TLK1: variants seen among roughly 807,000 people sequenced by gnomAD.
TLK1 encodes the protein serine/threonine-protein kinase tousled-like 1.
TLK1 carries 24 observed loss-of-function variants against 105.3 expected under a neutral mutation model. That is an observed-to-expected ratio of 0.23 (90% CI 0.17 to 0.32). The LOEUF (loss-of-function observed/expected upper bound fraction) is 0.32, where lower values mean the gene tolerates loss of function less well. Among genes scored for constraint, TLK1 ranks in the 10% least tolerant of loss-of-function variants. The pLI, the probability that TLK1 is intolerant of heterozygous loss-of-function variation, is 1.00. For missense variants in TLK1, 558 were observed against 910.5 expected, an observed-to-expected ratio of 0.61 and a Z score of 4.98; for synonymous variants, 321 against 310.4, an observed-to-expected ratio of 1.03 and a Z score of -0.36.
At chr2:171,062,586 C>T (rs1385382529) in intron 3 of TLK1, among the ~76,000 whole-genome samples, 2 of 152,136 alleles carry the variant, frequency 1.3e-5, no homozygotes, top group Non-Finnish European at 2.9e-5. Context: ...CCTCTTACCC[C>T]ACCCCTAGCA....
At chr2:171,075,216 G>T (rs1688446187) in intron 3 of TLK1, among the ~76,000 whole-genome samples, 1 of 152,128 alleles carries the variant, frequency 6.6e-6, no homozygotes, top group South Asian at 2.1e-4. Flanking sequence ...GAAGGTATGA[G>T]AAAGTAGAGG....
intron 2 of TLK1, among the ~76,000 whole-genome samples, chr2:171,088,723 G>T (rs1689090160): frequency 6.6e-6 from 1 of 152,174 alleles, no homozygotes; most frequent in African/African-American, 2.4e-5. Flanking sequence ...CTGAGAAAAT[G>T]ATTTCCAACC....
chr2:171,224,908 T>G (rs1693871707), intron 1 of TLK1, among the ~76,000 whole-genome samples: 1 of 152,210 alleles, frequency 6.6e-6, no homozygotes, highest in East Asian at 1.9e-4. Flanking sequence ...TCCTCACATT[T>G]ACAGTTAATT....
chr2:171,205,137 C>G (rs913674408), intron 1 of TLK1, among the ~76,000 whole-genome samples: 1 of 151,782 alleles, frequency 6.6e-6, no homozygotes, highest in Admixed American at 6.6e-5. Context: ...TGCTTGAGCC[C>G]GGGAGTTAGA....
At chr2:171,063,824 C>T (rs1277745503) in intron 3 of TLK1, among the ~76,000 whole-genome samples, 2 of 152,188 alleles carry the variant, frequency 1.3e-5, no homozygotes, top group Non-Finnish European at 2.9e-5. Flanking sequence ...CTAACATGCA[C>T]TGGCTATCTC....
Position 171,160,200 on chromosome 2 carries a change from C to G in TLK1, c.139+90G>C. ...CCCACCCCAGGGTCTGGCGGAGAAG[C>G]CCCGGGGCGGGGGGGGCGGGGGGGG... On this transcript the variant is annotated intron_variant, in intron 1 of 20. Coordinates refer to ENST00000431350, the MANE Select transcript of TLK1 (RefSeq NM_012290.5). This position sits in a 1 kb window ranked among gnomAD's most constrained non-coding sequence, Gnocchi z 4.4. The G allele has an allele frequency of 8.3e-7, 1 of 1,208,678 alleles. No individual in the cohort carries two copies. The highest frequency in any genetic ancestry group is 1.0e-6 in the Non-Finnish European group (1 of 965,594). 74.9% of individuals were successfully genotyped at this position (1,208,678 alleles called of 1,614,324 possible). A position where few individuals can be genotyped will look rare whatever the true frequency, so the allele number is the denominator to read the frequency against.
At position 171,103,768 on chromosome 2, in the gene TLK1, T is replaced by G. The variant is rs58621559; in HGVS notation, c.258+13971A>C. ...TGTTTTTCTTTTTCTCCTTCTCTTT[T>G]GTTGAATTACATTTCTTTATATTCC... On this transcript the variant is annotated intron_variant, in intron 2 of 20. Transcript: ENST00000431350. Among the ~76,000 whole-genome samples the G allele has an allele frequency of 2.0e-5, 3 of 152,346 alleles. No individual in the cohort carries two copies. In the South Asian group the frequency reaches 6.2e-4, roughly 32 times the overall value.
intron 1 of TLK1, chr2:171,154,432 G>A (rs1192079897): frequency 6.6e-6 from 1 of 151,876 alleles, no homozygotes; most frequent in Admixed American, 6.6e-5. Context: ...AAACCAACCT[G>A]AGAGTCAGAA....
chr2:171,053,889 T>C, intron 7 of TLK1, 36 bp from the exon 8 acceptor site: 2 of 1,443,980 alleles, frequency 1.4e-6, no homozygotes, highest in Non-Finnish European at 1.9e-6. Context: ...ATCTCCATTA[T>C]ATATGTTGTT....
At chr2:171,134,900 C>T (rs1399530955) in intron 1 of TLK1, among the ~76,000 whole-genome samples, 1 of 151,714 alleles carries the variant, frequency 6.6e-6, no homozygotes, top group Non-Finnish European at 1.5e-5. Flanking sequence ...TGAGCCGGAC[C>T]TATTCAGCCT....
At chr2:171,013,288 C>G (rs999743481) in intron 13 of TLK1, among the ~76,000 whole-genome samples, 3 of 147,468 alleles carry the variant, frequency 2.0e-5, no homozygotes, top group Non-Finnish European at 3.0e-5. Flanking sequence ...GCTGGGATTA[C>G]AGGCATGAGC....
intron 1 of TLK1, among the ~76,000 whole-genome samples, chr2:171,194,557 C>T (rs1031542226): frequency 6.6e-6 from 1 of 152,178 alleles, no homozygotes; most frequent in African/African-American, 2.4e-5. Context: ...GTGGCTCACG[C>T]CTGTAATCCC....
chr2:171,120,486 A>C (rs1162605701), intron 1 of TLK1, among the ~76,000 whole-genome samples: 1 of 152,160 alleles, frequency 6.6e-6, no homozygotes, highest in East Asian at 1.9e-4. Flanking sequence ...AAAAGACTGG[A>C]ATACAAATTT....
chr2:171,227,364 G>A (rs1315285333), intron 1 of TLK1, among the ~76,000 whole-genome samples: 1 of 152,170 alleles, frequency 6.6e-6, no homozygotes, highest in Non-Finnish European at 1.5e-5. Context: ...TCTTTTCAGT[G>A]AATAGAATGA....
chr2:171,086,442 A>G (rs1382617734), intron 2 of TLK1, among the ~76,000 whole-genome samples: 1 of 152,100 alleles, frequency 6.6e-6, no homozygotes, highest in East Asian at 1.9e-4. Flanking sequence ...CCTGGCCAAC[A>G]TAGTGAAACC....
intron 2 of TLK1, among the ~76,000 whole-genome samples, chr2:171,087,631 C>G (rs1689042137): frequency 6.6e-6 from 1 of 152,122 alleles, no homozygotes; most frequent in African/African-American, 2.4e-5. Flanking sequence ...ATCTCCCAAG[C>G]AGGATAACTA....
intron 1 of TLK1, among the ~76,000 whole-genome samples, chr2:171,171,738 CAATT>C (rs1692733495): frequency 6.6e-6 from 1 of 151,818 alleles, no homozygotes; most frequent in Admixed American, 6.6e-5. Flanking sequence ...AACAGCAAAA[CAATT>C]AAGGCAAATG....
chr2:171,035,630 T>C (rs1338005136), intron 11 of TLK1, among the ~76,000 whole-genome samples: 3 of 152,106 alleles, frequency 2.0e-5, no homozygotes, highest in African/African-American at 7.2e-5. Flanking sequence ...GACATGTCAA[T>C]GTATTAGGTT....
intron 11 of TLK1, among the ~76,000 whole-genome samples, chr2:171,042,568 T>C (rs1272365776): frequency 6.6e-6 from 1 of 152,158 alleles, no homozygotes; most frequent in Non-Finnish European, 1.5e-5. Flanking sequence ...TATTGTAATT[T>C]AGTATTGACC....
Sources: gnomAD v4.1 joint callset for allele counts (sites outside exome capture counted in the v4.1 genomes callset) on GRCh38, gnomAD v4.1.1 for gene constraint, Gnocchi (gnomAD v3.1) non-coding constraint, MANE v1.5 for transcripts, NCBI Gene and HGNC (gene_info 2026-07-23, HGNC 2026-07-21) for gene names.